PARL: variants seen among roughly 807,000 people sequenced by gnomAD.
PARL encodes presenilin associated rhomboid like.
PARL carries 44 observed loss-of-function variants against 51.6 expected under a neutral mutation model. The ratio of observed to expected loss-of-function variants is 0.85; its 90% confidence interval spans 0.67 to 1.10. PARL has a LOEUF of 1.10. PARL is among the 50% of genes least tolerant of loss of function. The pLI, the probability that PARL is intolerant of heterozygous loss-of-function variation, is 0.00. For missense variants in PARL, 441 were observed against 469.5 expected (o/e 0.94, Z 0.56); for synonymous variants, 172 against 164.0 (o/e 1.05, Z -0.37).
intron 4 of PARL, among the ~76,000 whole-genome samples, chr3:183,855,983 C>CA (rs1023038420): frequency 6.9e-6 from 1 of 145,714 alleles, no homozygotes; most frequent in Non-Finnish European, 1.5e-5. Flanking sequence ...AAAAAAAAAA[C>CA]AAAAAAAACC....
chr3:183,874,008 C>G (rs1274464187), intron 1 of PARL, among the ~76,000 whole-genome samples: 1 of 152,198 alleles, frequency 6.6e-6, no homozygotes, highest in African/African-American at 2.4e-5. Context: ...GTTTGTTACA[C>G]AAATTGAAGG....
At chr3:183,836,757 A>G (rs1245481333) in intron 7 of PARL, among the ~76,000 whole-genome samples, 3 of 152,100 alleles carry the variant, frequency 2.0e-5, no homozygotes, top group Admixed American at 1.3e-4. Context: ...ATAAACATAT[A>G]TTTTTTGAGA....
At chr3:183,862,823 A>G (rs780520111) in intron 3 of PARL, 22 bp from the exon 4 acceptor site, 9 of 1,601,054 alleles carry the variant, frequency 5.6e-6, no homozygotes, top group South Asian at 2.2e-5. Flanking sequence ...AGAAAATTGC[A>G]TCACCACATG....
intron 1 of PARL, among the ~76,000 whole-genome samples, chr3:183,877,595 C>A (rs1264130909): frequency 1.3e-5 from 2 of 152,084 alleles, no homozygotes; most frequent in Non-Finnish European, 2.9e-5. Flanking sequence ...TAAGAAATTG[C>A]CACCGCTACC....
intron 7 of PARL, among the ~76,000 whole-genome samples, chr3:183,835,270 T>C (rs1269334525): frequency 6.6e-6 from 1 of 151,904 alleles, no homozygotes; most frequent in Non-Finnish European, 1.5e-5. Context: ...TTCTGGAAAA[T>C]AGCATCTACC....
intron 1 of PARL, among the ~76,000 whole-genome samples, chr3:183,874,788 C>T (rs1015736967): frequency 6.6e-5 from 10 of 152,186 alleles, no homozygotes; most frequent in African/African-American, 2.2e-4. Flanking sequence ...AGAAACAATT[C>T]TTGCCAGACA....
chr3:183,850,518 C>T (rs552865397), intron 4 of PARL, among the ~76,000 whole-genome samples: 11 of 152,138 alleles, frequency 7.2e-5, no homozygotes, highest in Non-Finnish European at 1.3e-4. Context: ...TGTGGTTCTA[C>T]GTGGACACAA....
chr3:183,836,210 T>C (rs916973624), intron 7 of PARL, among the ~76,000 whole-genome samples: 2 of 65,356 alleles, frequency 3.1e-5, no homozygotes, highest in Non-Finnish European at 5.1e-5. Context: ...AGAACGAAAC[T>C]CCATCTCAAA....
intron 4 of PARL, among the ~76,000 whole-genome samples, chr3:183,858,636 A>G (rs914135357): frequency 1.3e-5 from 2 of 152,168 alleles, no homozygotes; most frequent in African/African-American, 4.8e-5. Flanking sequence ...AAGTGCCTCA[A>G]AGACAACCCT....
intron 4 of PARL, among the ~76,000 whole-genome samples, chr3:183,847,443 G>A (rs1730088165): frequency 6.6e-6 from 1 of 152,018 alleles, no homozygotes; most frequent in Non-Finnish European, 1.5e-5. Context: ...CACATGCTTG[G>A]GTCCTAGCTA....
intron 8 of PARL, 34 bp downstream of exon 8, chr3:183,833,690 T>C: frequency 6.8e-7 from 1 of 1,473,224 alleles, no homozygotes; most frequent in Non-Finnish European, 9.5e-7. Flanking sequence ...ACATCACCAC[T>C]ATCCCCAGCA....
intron 5 of PARL, 26 bp from the exon 6 acceptor site, chr3:183,842,473 G>C: frequency 6.2e-7 from 1 of 1,607,100 alleles, no homozygotes; most frequent in Admixed American, 1.7e-5. Flanking sequence ...ACATAGTCTG[G>C]TAATCATGAA....
rs537289950 is a variant in PARL at position 183,848,391 on chromosome 3, G to A, written c.512-4065C>T. Reference sequence around the variant, plus strand: ...CGAGTAGCTGGGACTACAGGCACCCGCTACCACGCCCAGCTAATTTTTTGT... The same window carrying A: ...CGAGTAGCTGGGACTACAGGCACCCACTACCACGCCCAGCTAATTTTTTGT... On this transcript the variant is annotated intron_variant, in intron 4 of 9. Coordinates refer to ENST00000317096, the MANE Select transcript of PARL (RefSeq NM_018622.7). Among the ~76,000 whole-genome samples, 22 of 152,198 alleles carry A rather than the reference G, an allele frequency of 1.4e-4. No homozygotes were observed. In the East Asian group the frequency reaches 1.5e-3, roughly 11 times the overall value.
chr3:183,843,568 C>G (rs1034517747), intron 5 of PARL, among the ~76,000 whole-genome samples: 1 of 152,150 alleles, frequency 6.6e-6, no homozygotes, highest in African/African-American at 2.4e-5. Context: ...CAGTGGCTCA[C>G]GCCTATAATC....
Position 183,884,766 on chromosome 3 carries a change from C to A in PARL, c.81G>T (p.Glu27Asp). Reference sequence around the variant, plus strand: ...GCGGGGTTAGGACCGCAGTGAGCTCCTCGCAGCTGCGGCCGCCCACCGACG... The same window carrying A: ...GCGGGGTTAGGACCGCAGTGAGCTCATCGCAGCTGCGGCCGCCCACCGACG... ...WGASVGGRSC[E>D]ELTAVLTPPQ... is the part of the protein sequence containing the mutation. The change falls in exon 1 of 10, where the codon GAG (glutamate) becomes GAT (aspartate). Residue 27 changes from glutamate to aspartate, a missense_variant. By Grantham distance (45) the Glu-to-Asp change is conservative. Transcript: ENST00000317096. 6.3e-7 allele frequency: 1 copy of A among 1,582,578 alleles called. No individual in the cohort carries two copies. The highest frequency in any genetic ancestry group is 2.3e-5 in the East Asian group (1 of 43,402).
chr3:183,840,175 G>T (rs1729121983), intron 7 of PARL, among the ~76,000 whole-genome samples: 1 of 152,152 alleles, frequency 6.6e-6, no homozygotes, highest in Non-Finnish European at 1.5e-5. Context: ...CTCTAGCATA[G>T]CACCTAGTAG....
At position 183,871,614 on chromosome 3, in the gene PARL, T is replaced by C. The variant is rs541723371; in HGVS notation, c.126-3554A>G. On this transcript the variant is annotated intron_variant, in intron 1 of 9. Transcript: ENST00000317096. ...AACACTTTTGGCAAAAGAAGTAAAA[T>C]ACAAAAGAGTACATGATATGTGATT... is the stretch of plus-strand genomic sequence containing the variant. 4.7e-5 allele frequency among the ~76,000 whole-genome samples: 7 copies of C among 150,042 alleles called. No homozygotes were observed. In the East Asian group the frequency reaches 7.9e-4, roughly 17 times the overall value.
intron 1 of PARL, among the ~76,000 whole-genome samples, chr3:183,871,506 T>C (rs1438407740): frequency 3.6e-5 from 4 of 112,560 alleles, no homozygotes; most frequent in Admixed American, 3.5e-4. Context: ...TAATGGAATA[T>C]TACACTTGGC....
At chr3:183,884,693 C>A in intron 1 of PARL, 29 bp downstream of exon 1, 1 of 1,578,526 alleles carries the variant, frequency 6.3e-7, no homozygotes, top group Non-Finnish European at 8.6e-7. Context: ...GACCAAGAGG[C>A]GAGAAGACCA....
Sources: allele counts gnomAD v4.1 joint callset (sites outside exome capture counted in the v4.1 genomes callset), GRCh38; gene constraint gnomAD v4.1.1; transcripts MANE v1.5; gene names NCBI Gene and HGNC (gene_info 2026-07-23, HGNC 2026-07-21).